CSMD1: variants seen among roughly 807,000 people sequenced by gnomAD.
The protein encoded by CSMD1 is CUB and sushi domain-containing protein 1.
CSMD1 carries 213 observed loss-of-function variants against 417.5 expected under a neutral mutation model. That is an observed-to-expected ratio of 0.51 (90% CI 0.46 to 0.57). The LOEUF (loss-of-function observed/expected upper bound fraction) is 0.57. Ranked by LOEUF, CSMD1 falls within the 20% of genes least tolerant of loss-of-function variation. The pLI is 0.00. For synonymous variants in CSMD1, 2,862 were observed against 1,736.8 expected, an observed-to-expected ratio of 1.65 and a Z score of -16.11; for missense variants, 6,923 against 4,529.7, an observed-to-expected ratio of 1.53 and a Z score of -15.17.
At chr8:3,881,626 A>C (rs551108801) in intron 5 of CSMD1, among the ~76,000 whole-genome samples, 34 of 137,350 alleles carry the variant, frequency 2.5e-4, no homozygotes, top group African/African-American at 1.0e-3. Context: ...AAAAAAACAA[A>C]AACAAAAACA....
At chr8:3,304,561 C>G (rs1270307260) in intron 25 of CSMD1, among the ~76,000 whole-genome samples, 1 of 152,098 alleles carries the variant, frequency 6.6e-6, no homozygotes, top group East Asian at 1.9e-4. Context: ...TGGCTACCCT[C>G]TTAAGCTGCT....
intron 3 of CSMD1, among the ~76,000 whole-genome samples, chr8:4,381,729 C>A (rs143594607): frequency 1.3e-5 from 2 of 152,138 alleles, no homozygotes; most frequent in Non-Finnish European, 2.9e-5. Context: ...CGTGGATGGA[C>A]TTTAGGCTTC....
intron 12 of CSMD1, among the ~76,000 whole-genome samples, chr8:3,453,286 A>T (rs1322445510): frequency 6.6e-6 from 1 of 151,508 alleles, no homozygotes; most frequent in African/African-American, 2.4e-5. Flanking sequence ...ATTTTTTTTG[A>T]AGGGTTTTTT....
intron 1 of CSMD1, among the ~76,000 whole-genome samples, chr8:4,801,170 G>C (rs1261775302): frequency 6.6e-6 from 1 of 152,206 alleles, no homozygotes; most frequent in East Asian, 1.9e-4. Flanking sequence ...TCTTACTTCA[G>C]ACTGTCTGTG....
At chr8:3,768,783 C>G (rs1014273469) in intron 5 of CSMD1, among the ~76,000 whole-genome samples, 23 of 152,216 alleles carry the variant, frequency 1.5e-4, no homozygotes, top group Admixed American at 1.5e-3. Flanking sequence ...AATCGTAAGG[C>G]TTGTCCTAAG....
chr8:4,222,999 A>G (rs1172933257), intron 3 of CSMD1, among the ~76,000 whole-genome samples: 1 of 152,220 alleles, frequency 6.6e-6, no homozygotes, highest in East Asian at 1.9e-4. Flanking sequence ...ATTAAAGCAA[A>G]TAAATAGACA....
In CSMD1 at chr8:3,031,974, G is replaced by GTATATATA. The variant is rs60178259; in HGVS notation, c.7661-2469_7661-2462dup. 1.6e-3 allele frequency among the ~76,000 whole-genome samples: 241 copies of GTATATATA among 146,640 alleles called. 1 individual carries two copies. The highest frequency in any genetic ancestry group is 5.3e-3 in the African/African-American group (214 of 40,290). On this transcript the variant is annotated intron_variant, in intron 50 of 69. Coordinates refer to ENST00000635120, the MANE Select transcript of CSMD1 (RefSeq NM_033225.6). Reference sequence around the variant, plus strand: ...AGACACTATATGTGTGTATGTGTGTGTATATATATATATATACACATAATA... The same window carrying GTATATATA: ...AGACACTATATGTGTGTATGTGTGTGTATATATATATATATATATATATACACATAATA...
chr8:3,049,753 G>A (rs1002161533), intron 50 of CSMD1, among the ~76,000 whole-genome samples: 2 of 152,120 alleles, frequency 1.3e-5, no homozygotes, highest in Admixed American at 6.5e-5. Flanking sequence ...GAGCTCTCAT[G>A]TGAACGCTGG....
In CSMD1 at chr8:4,322,102, ATACT is replaced by A. The variant is rs976530339; in HGVS notation, c.415+97847_415+97850del. Among the ~76,000 whole-genome samples the A allele has an allele frequency of 4.7e-4, 72 of 152,282 alleles. 1 individual carries two copies. Among genetic ancestry groups the A allele is most frequent in the African/African-American group, 1.6e-3 (65 of 41,572 alleles). On this transcript the variant is annotated intron_variant, in intron 3 of 69. Coordinates refer to ENST00000635120, the MANE Select transcript of CSMD1 (RefSeq NM_033225.6). ...TGAAATGAACTCTTTAATTACATAA[ATACT>A]TAATATAAAATATTGGATCATTTTA...
intron 2 of CSMD1, among the ~76,000 whole-genome samples, chr8:4,477,605 G>T (rs963758257): frequency 6.6e-6 from 1 of 152,112 alleles, no homozygotes; most frequent in African/African-American, 2.4e-5. Context: ...TATTTAAACT[G>T]ACTTCTGCAC....
chr8:3,916,682 T>A (rs2554632), intron 5 of CSMD1, among the ~76,000 whole-genome samples: 66,167 of 151,956 alleles, frequency 0.44, 14,796 homozygotes, highest in South Asian at 0.57. Context: ...TGATGTAATC[T>A]GTGTAGTTTC....
chr8:4,456,985 T>TTTAAAAA (rs71207092), intron 2 of CSMD1, among the ~76,000 whole-genome samples: 6 of 138,790 alleles, frequency 4.3e-5, no homozygotes, highest in African/African-American at 1.3e-4. Flanking sequence ...GGTTTTTTTT[T>TTTAAAAA]AAAAAAAAAA....
At chr8:4,668,825 T>G (rs375701238) in intron 1 of CSMD1, among the ~76,000 whole-genome samples, 1 of 152,152 alleles carries the variant, frequency 6.6e-6, no homozygotes, top group South Asian at 2.1e-4. Flanking sequence ...ATTTCTTCTC[T>G]ATATCTGTTA....
intron 5 of CSMD1, among the ~76,000 whole-genome samples, chr8:3,768,432 G>C (rs1327702036): frequency 6.6e-6 from 1 of 152,052 alleles, no homozygotes; most frequent in Non-Finnish European, 1.5e-5. Flanking sequence ...GTTTTAAATT[G>C]ATTACTGTAA....
intron 2 of CSMD1, among the ~76,000 whole-genome samples, chr8:4,428,555 C>G (rs952349840): frequency 2.0e-5 from 3 of 151,932 alleles, no homozygotes; most frequent in Non-Finnish European, 4.4e-5. Context: ...CATGTATTTT[C>G]CTACAATAAA....
chr8:4,920,253 G>C (rs1193071414), intron 1 of CSMD1, among the ~76,000 whole-genome samples: 3 of 152,082 alleles, frequency 2.0e-5, no homozygotes, highest in Non-Finnish European at 4.4e-5. Flanking sequence ...ATTCTAGAAA[G>C]TATTATACTT....
rs896077437 is a variant in CSMD1, at chr8:2,935,658, T to A, written c.*2927A>T. 6.6e-6 allele frequency: 1 copy of A among 152,168 alleles called. No individual in the cohort carries two copies. The highest frequency in any genetic ancestry group is 1.9e-4 in the East Asian group (1 of 5,198). 9.4% of individuals were successfully genotyped at this position (152,168 alleles called of 1,614,324 possible). A position where few individuals can be genotyped will look rare whatever the true frequency, so the allele number is the denominator to read the frequency against. On this transcript the variant is annotated 3_prime_UTR_variant, in exon 70 of 70. Coordinates refer to ENST00000635120, the MANE Select transcript of CSMD1 (RefSeq NM_033225.6). Reference sequence around the variant, plus strand: ...ATTTAATAATTTTACAAATTCTTCATAAAAAATATATCTCTGTACAAAAAG... The same window carrying A: ...ATTTAATAATTTTACAAATTCTTCAAAAAAAATATATCTCTGTACAAAAAG...
intron 2 of CSMD1, among the ~76,000 whole-genome samples, chr8:4,530,191 G>T (rs1226462084): frequency 6.6e-6 from 1 of 151,874 alleles, no homozygotes; most frequent in Non-Finnish European, 1.5e-5. Context: ...AGGATTACAG[G>T]CACGAGCCAC....
intron 26 of CSMD1, among the ~76,000 whole-genome samples, chr8:3,276,668 C>T (rs1314262272): frequency 6.6e-6 from 1 of 152,090 alleles, no homozygotes; most frequent in Non-Finnish European, 1.5e-5. Context: ...ATTAAAATAG[C>T]AGTTACATAT....
Sources: allele counts gnomAD v4.1 joint callset (sites outside exome capture counted in the v4.1 genomes callset), GRCh38; gene constraint gnomAD v4.1.1; transcripts MANE v1.5; gene names NCBI Gene and HGNC (gene_info 2026-07-23, HGNC 2026-07-21).